Variants in KIAA1217 observed in about 807,000 individuals in gnomAD.
KIAA1217 encodes the protein sickle tail protein homolog.
Under a neutral mutation model 163.9 loss-of-function variants are expected in KIAA1217, and 88 were observed. The ratio of observed to expected loss-of-function variants is 0.54; its 90% CI spans 0.45 to 0.64. The LOEUF (loss-of-function observed/expected upper bound fraction) is 0.64, where lower values mean the gene tolerates loss of function less well. Among genes scored for constraint, KIAA1217 ranks in the 30% least tolerant of loss-of-function variants. KIAA1217 has a pLI of 0.00. For synonymous variants in KIAA1217, 903 were observed against 923.1 expected (o/e 0.98, Z 0.39); for missense variants, 2,372 against 2,475.0 (o/e 0.96, Z 0.88).
At chr10:23,946,392 G>A (rs888446100) in intron 1 of KIAA1217, among the ~76,000 whole-genome samples, 14 of 151,678 alleles carry the variant, frequency 9.2e-5, no homozygotes, top group Admixed American at 5.9e-4. Flanking sequence ...TCTCATTAGG[G>A]CTTCCTGATT....
At chr10:24,228,204 G>A (rs967923462) in intron 2 of KIAA1217, among the ~76,000 whole-genome samples, 1 of 152,058 alleles carries the variant, frequency 6.6e-6, no homozygotes, top group Non-Finnish European at 1.5e-5. Flanking sequence ...CAAGGCTGCA[G>A]TGAGCTGTGA....
At chr10:24,032,254 G>A (rs1848218495) in intron 2 of KIAA1217, among the ~76,000 whole-genome samples, 1 of 152,026 alleles carries the variant, frequency 6.6e-6, no homozygotes. Flanking sequence ...TCATAGTTTT[G>A]TTTTGTCATT....
intron 1 of KIAA1217, among the ~76,000 whole-genome samples, chr10:23,896,972 T>G (rs1841734664): frequency 6.6e-6 from 1 of 152,050 alleles, no homozygotes; most frequent in Non-Finnish European, 1.5e-5. Flanking sequence ...TCTACTTTAA[T>G]GAAAACACTT....
At chr10:23,915,758 G>T (rs1842612893) in intron 1 of KIAA1217, among the ~76,000 whole-genome samples, 1 of 152,160 alleles carries the variant, frequency 6.6e-6, no homozygotes. Context: ...AGACTGGCAG[G>T]AAGGCAGGGC....
chr10:24,084,200 G>A (rs1358679020), intron 2 of KIAA1217, among the ~76,000 whole-genome samples: 1 of 152,074 alleles, frequency 6.6e-6, no homozygotes, highest in Non-Finnish European at 1.5e-5. Flanking sequence ...CCTTCTTTGT[G>A]CTATATTTTG....
At chr10:24,136,734 T>C (rs751520800) in intron 2 of KIAA1217, among the ~76,000 whole-genome samples, 26 of 152,214 alleles carry the variant, frequency 1.7e-4, no homozygotes, top group Non-Finnish European at 3.4e-4. Flanking sequence ...CCATCTCCAA[T>C]AACAACATAT....
intron 2 of KIAA1217, among the ~76,000 whole-genome samples, chr10:24,162,735 A>T (rs117005119): frequency 0.015 from 2,258 of 152,270 alleles, 23 homozygotes; most frequent in Middle Eastern, 0.058. Flanking sequence ...CAAGCTCAGG[A>T]TCTCTTGTGA....
At chr10:24,005,077 A>G (rs759582817) in intron 1 of KIAA1217, among the ~76,000 whole-genome samples, 4 of 152,210 alleles carry the variant, frequency 2.6e-5, no homozygotes, top group Non-Finnish European at 5.9e-5. Context: ...GTAGCCATGG[A>G]GAGAATGGGC....
intron 1 of KIAA1217, among the ~76,000 whole-genome samples, chr10:23,846,845 C>A (rs529210337): frequency 6.6e-6 from 1 of 152,066 alleles, no homozygotes; most frequent in South Asian, 2.1e-4. Context: ...GGTTTTTGCC[C>A]ATTCAGTATG....
rs184560836 is a variant in KIAA1217 at position 23,706,860 on chromosome 10, G to T, written c.-321+11626G>T. 3.9e-5 allele frequency among the ~76,000 whole-genome samples: 6 copies of T among 152,294 alleles called. No individual in the cohort carries two copies. In the East Asian group the frequency reaches 1.2e-3, roughly 29 times the overall value. The stretch of plus-strand genomic sequence containing the variant: ...AGTCTAGGGCTGATAGTGAGTTCCA[G>T]TCAGCAGTATGGAAGAGGGGAGGAA... On this transcript the variant is annotated intron_variant, in intron 1 of 18. Transcript: ENST00000376462.
At chr10:23,857,442 G>A (rs1036401775) in intron 1 of KIAA1217, among the ~76,000 whole-genome samples, 4 of 152,128 alleles carry the variant, frequency 2.6e-5, no homozygotes, top group African/African-American at 7.2e-5. Flanking sequence ...CTGAAAGCAG[G>A]CCCTGTCATT....
At chr10:24,483,436 C>A (rs2064961614) in intron 6 of KIAA1217, among the ~76,000 whole-genome samples, 1 of 152,208 alleles carries the variant, frequency 6.6e-6, no homozygotes, top group Admixed American at 6.5e-5. Context: ...TGTCGAGCCT[C>A]AGCTCAGGAC....
intron 1 of KIAA1217, among the ~76,000 whole-genome samples, chr10:23,926,603 T>C (rs2131302410): frequency 6.6e-6 from 1 of 152,162 alleles, no homozygotes; most frequent in East Asian, 2.0e-4. Flanking sequence ...CAGGCGCCTG[T>C]AATCCCAGCT....
intron 2 of KIAA1217, among the ~76,000 whole-genome samples, chr10:24,263,911 G>A (rs1206746293): frequency 6.6e-6 from 1 of 151,992 alleles, no homozygotes; most frequent in Non-Finnish European, 1.5e-5. Flanking sequence ...AGGCTGGAGT[G>A]CAGTGGTGCG....
At chr10:24,435,071 T>C (rs1412331935) in intron 4 of KIAA1217, among the ~76,000 whole-genome samples, 1 of 152,236 alleles carries the variant, frequency 6.6e-6, no homozygotes, top group Non-Finnish European at 1.5e-5. Flanking sequence ...TTAAAAAATA[T>C]GCCTCTAGTG....
intron 1 of KIAA1217, among the ~76,000 whole-genome samples, chr10:23,978,498 T>A (rs1657616896): frequency 6.6e-6 from 1 of 152,182 alleles, no homozygotes. Flanking sequence ...GCAGTGAATC[T>A]TTTATGTTGA....
chr10:24,431,554 T>C (rs896457326), intron 3 of KIAA1217, among the ~76,000 whole-genome samples: 8 of 152,104 alleles, frequency 5.3e-5, no homozygotes, highest in African/African-American at 1.4e-4. Flanking sequence ...AGCTGTAAAA[T>C]GGGCGCTTAG....
chr10:24,049,052 A>C (rs1849285966), intron 2 of KIAA1217, among the ~76,000 whole-genome samples: 1 of 150,728 alleles, frequency 6.6e-6, no homozygotes, highest in Middle Eastern at 3.4e-3. Flanking sequence ...AAAAAAAAAA[A>C]AATTATCCCA....
chr10:24,318,258 ATAGG>A (rs904146162), intron 2 of KIAA1217, among the ~76,000 whole-genome samples: 18 of 152,274 alleles, frequency 1.2e-4, no homozygotes, highest in African/African-American at 1.9e-4. Flanking sequence ...AGATAGATGA[ATAGG>A]TAGGTAGATA....
Sources: allele counts gnomAD v4.1 joint callset (sites outside exome capture counted in the v4.1 genomes callset), GRCh38; gene constraint gnomAD v4.1.1; transcripts MANE v1.5; gene names NCBI Gene and HGNC (gene_info 2026-07-23, HGNC 2026-07-21).